RHOF: variants seen among roughly 807,000 people sequenced by gnomAD.
RHOF encodes the protein rho-related GTP-binding protein RhoF.
A neutral mutation model predicts 22.2 loss-of-function variants in RHOF; 21 were observed. That is an observed-to-expected ratio of 0.95 (90% CI 0.67 to 1.36). RHOF has a LOEUF of 1.36. Among genes scored for constraint, RHOF ranks in the 40% most tolerant of loss-of-function variants. The probability of loss-of-function intolerance (pLI) is 0.00; values close to 1 mark genes in which losing one functional copy is unlikely to be tolerated. For synonymous variants in RHOF, 135 were observed against 131.2 expected, an observed-to-expected ratio of 1.03 and a Z score of -0.20; for missense variants, 285 against 293.7, an observed-to-expected ratio of 0.97 and a Z score of 0.22.
At chr12:121,789,577 G>A (rs533220452) in intron 2 of RHOF, among the ~76,000 whole-genome samples, 2 of 152,182 alleles carry the variant, frequency 1.3e-5, no homozygotes, top group Non-Finnish European at 2.9e-5. Context: ...CTGGCAGCAT[G>A]AGAAGTGAAG....
At chr12:121,789,516 A>T (rs762017862) in intron 2 of RHOF, among the ~76,000 whole-genome samples, 114 of 152,176 alleles carry the variant, frequency 7.5e-4, no homozygotes, top group Middle Eastern at 3.2e-3. Flanking sequence ...AGGAGGACAC[A>T]CAGGGCGGGT....
At chr12:121,781,470 C>CT in intron 2 of RHOF, 2 of 386,748 alleles carry the variant, frequency 5.2e-6, no homozygotes, top group South Asian at 5.2e-5. Context: ...GACCCTGTCT[C>CT]TTAACAACAA....
At chr12:121,789,968 G>A (rs1015791150) in intron 2 of RHOF, among the ~76,000 whole-genome samples, 2 of 152,132 alleles carry the variant, frequency 1.3e-5, no homozygotes, top group Non-Finnish European at 2.9e-5. Context: ...GCCTCCCCCG[G>A]CCCAGGAAAC....
At chr12:121,785,095 G>A (rs946735014) in intron 2 of RHOF, among the ~76,000 whole-genome samples, 54 of 152,118 alleles carry the variant, frequency 3.5e-4, no homozygotes, top group African/African-American at 1.0e-3. Flanking sequence ...AAGCCAAGGC[G>A]GGAGGATCAC....
chr12:121,791,571 A>G (rs576405977), intron 2 of RHOF, among the ~76,000 whole-genome samples: 7 of 152,288 alleles, frequency 4.6e-5, no homozygotes, highest in African/African-American at 1.7e-4. Flanking sequence ...ATGCTCCTCC[A>G]TCCCTCTGGT....
chr12:121,783,709 C>T (rs538464113), intron 2 of RHOF, among the ~76,000 whole-genome samples: 2 of 152,150 alleles, frequency 1.3e-5, no homozygotes, highest in African/African-American at 4.8e-5. Flanking sequence ...CTCGAACTCC[C>T]GACCTCTGGT....
rs368101093 is a variant in RHOF at position 121,780,926 on chromosome 12, C to T, written c.417G>A (p.Lys139=). 1.1e-5 allele frequency: 17 copies of T among 1,614,048 alleles called. No homozygotes were observed. Among genetic ancestry groups the T allele is most frequent in the Non-Finnish European group, 1.4e-5 (16 of 1,179,990 alleles). Reference sequence around the variant, plus strand: ...CGGCCCGGAGCTTCCGCAGCTGCTCCTTGTCCTTCCTCAGGTCTGTCTTGC... The same window carrying T: ...CGGCCCGGAGCTTCCGCAGCTGCTCTTTGTCCTTCCTCAGGTCTGTCTTGC... ...IGCKTDLRKD[K]EQLRKLRAAQ... Residue 139 remains lysine (K), a synonymous_variant, in exon 4 of 5, where the codon AAG becomes AAA. Transcript: ENST00000267205.
At chr12:121,789,312 G>A (rs906544998) in intron 2 of RHOF, among the ~76,000 whole-genome samples, 1 of 152,120 alleles carries the variant, frequency 6.6e-6, no homozygotes, top group African/African-American at 2.4e-5. Flanking sequence ...CTCTAGGCCT[G>A]GGCTCCCCCT....
At chr12:121,792,592 C>G (rs1336330309) in intron 2 of RHOF, among the ~76,000 whole-genome samples, 1 of 152,226 alleles carries the variant, frequency 6.6e-6, no homozygotes, top group Non-Finnish European at 1.5e-5. Context: ...CACGCAATTC[C>G]AGAACCACCA....
At chr12:121,787,401 G>A (rs1304286295) in intron 2 of RHOF, among the ~76,000 whole-genome samples, 2 of 152,204 alleles carry the variant, frequency 1.3e-5, no homozygotes, top group East Asian at 3.8e-4. Context: ...GTGAGCCAGA[G>A]GCCAACCAGT....
chr12:121,793,298 C>T (rs1373600003), intron 1 of RHOF, 59 bp from the exon 2 acceptor site: 3 of 1,487,348 alleles, frequency 2.0e-6, no homozygotes, highest in Non-Finnish European at 1.8e-6. Context: ...AAAGTTCCAG[C>T]TGAATCCACT....
chr12:121,787,487 C>T (rs899773674), intron 2 of RHOF, among the ~76,000 whole-genome samples: 1 of 152,182 alleles, frequency 6.6e-6, no homozygotes, highest in African/African-American at 2.4e-5. Flanking sequence ...CCTTCCCAAC[C>T]GGGAATTAAC....
At chr12:121,783,381 T>C (rs1361360006) in intron 2 of RHOF, among the ~76,000 whole-genome samples, 1 of 142,676 alleles carries the variant, frequency 7.0e-6, no homozygotes, top group Non-Finnish European at 1.5e-5. Flanking sequence ...GAGTGCAGTG[T>C]CCCAATCTCA....
At position 121,793,556 on chromosome 12, in the gene RHOF, G is replaced by T; in HGVS notation, c.78C>A (p.Gly26=). The change falls in exon 1 of 5, where the codon GGC becomes GGA. Residue 26 remains glycine, a synonymous_variant. Coordinates refer to ENST00000267205, the MANE Select transcript of RHOF (RefSeq NM_019034.3). ...GCGAGGTCTTGCCGCAGCCGCCGTC[G>T]CCCACGATCACGATCTTCAGCTCCT... The part of the protein sequence containing the change: ...GRKELKIVIV[G]DGGCGKTSLL... 1 of 1,549,802 alleles carries T rather than the reference G, an allele frequency of 6.5e-7. No homozygotes were observed.
chr12:121,781,424 TCATGC>T, intron 2 of RHOF: 2 of 497,806 alleles, frequency 4.0e-6, no homozygotes, highest in South Asian at 4.2e-5. Flanking sequence ...TGAGCCGTGA[TCATGC>T]CACTGCACTC....
chr12:121,785,422 C>CTTT (rs758984066), intron 2 of RHOF, among the ~76,000 whole-genome samples: 9 of 86,120 alleles, frequency 1.0e-4, no homozygotes, highest in Non-Finnish European at 1.2e-4. Context: ...TTTTTCTTTA[C>CTTT]TTTTTTTTTT....
intron 2 of RHOF, among the ~76,000 whole-genome samples, chr12:121,789,321 C>A (rs1874700590): frequency 6.6e-6 from 1 of 152,138 alleles, no homozygotes; most frequent in Admixed American, 6.5e-5. Context: ...TGGGCTCCCC[C>A]TAGAGCCGCC....
chr12:121,792,248 G>A (rs149198697), intron 2 of RHOF, among the ~76,000 whole-genome samples: 2 of 152,206 alleles, frequency 1.3e-5, no homozygotes, highest in Non-Finnish European at 2.9e-5. Context: ...GAGGGCCACC[G>A]GATGACGTGG....
At chr12:121,783,395 C>T (rs1592956670) in intron 2 of RHOF, among the ~76,000 whole-genome samples, 1 of 150,270 alleles carries the variant, frequency 6.7e-6, no homozygotes, top group African/African-American at 2.4e-5. Context: ...AATCTCAGCT[C>T]ACTGCAACCT....
Sources: allele counts gnomAD v4.1 joint callset (sites outside exome capture counted in the v4.1 genomes callset), GRCh38; gene constraint gnomAD v4.1.1; transcripts MANE v1.5; gene names NCBI Gene and HGNC (gene_info 2026-07-23, HGNC 2026-07-21).